Variants in PHF5A observed in about 807,000 individuals in gnomAD.
PHF5A encodes the protein PHD finger protein 5A, also known as PHD finger-like domain-containing protein 5A.
For missense variants in PHF5A, 24 were observed against 140.6 expected (o/e 0.17, Z 4.19); for synonymous variants, 52 against 46.0 (o/e 1.13, Z -0.52).
chr22:41,467,847 G>A (rs773741161), intron 2 of PHF5A, among the ~76,000 whole-genome samples: 10 of 152,194 alleles, frequency 6.6e-5, no homozygotes, highest in African/African-American at 2.2e-4. Flanking sequence ...AAAGCACCTC[G>A]GAGATGATAA....
rs1034715886 is a variant in PHF5A, at chr22:41,463,848, C to G, written c.244-3361G>C. On this transcript the variant is annotated intron_variant, in intron 3 of 3. Transcript: ENST00000216252. The stretch of plus-strand genomic sequence containing the variant: ...GGCGGAGATTGTAATGAGCCGAGAT[C>G]GTGCCATTGCACTCCAGTCTGAGTG... Among the ~76,000 whole-genome samples, 5 of 151,086 alleles carry G rather than the reference C, an allele frequency of 3.3e-5. No individual in the cohort carries two copies. The South Asian group carries it at 1.0e-3, about 31-fold the overall frequency.
At chr22:41,462,750 A>C (rs541247496) in intron 3 of PHF5A, among the ~76,000 whole-genome samples, 5 of 152,314 alleles carry the variant, frequency 3.3e-5, no homozygotes, top group South Asian at 2.1e-4. Context: ...CAAAAGAAGA[A>C]GACTGGATCA....
chr22:41,460,437 G>T lies in PHF5A; in HGVS notation c.294C>A (p.Leu98=). Residue 98 remains leucine, a synonymous_variant, in exon 4 of 4, where the codon CTC becomes CTA. Transcript: ENST00000216252. ...AGCCGTATTTTTTGCGTTCATAGAA[G>T]AGGTCTGTCTTAGAGCTCCCCAGAT... ...IVNLGSSKTD[L]FYERKKYGFK... The T allele has an allele frequency of 6.2e-7, 1 of 1,605,812 alleles. No homozygotes were observed.
At chr22:41,464,799 A>G (rs1485372290) in intron 3 of PHF5A, among the ~76,000 whole-genome samples, 1 of 152,242 alleles carries the variant, frequency 6.6e-6, no homozygotes, top group African/African-American at 2.4e-5. Flanking sequence ...CTGTTACCTT[A>G]TCATGCTTTC....
intron 3 of PHF5A, among the ~76,000 whole-genome samples, chr22:41,465,192 G>A (rs1359910788): frequency 6.6e-6 from 1 of 151,072 alleles, no homozygotes; most frequent in Admixed American, 6.6e-5. Flanking sequence ...TTTTTTTTGA[G>A]AAGGAATTTC....
At position 41,467,423 on chromosome 22, in the gene PHF5A, G is replaced by A. The variant is rs182267678; in HGVS notation, c.243+25C>T. ...GTGTTACTAAACAAAAGGAGGAAAG[G>A]TCAGATGGAAAGCTGTACACTTACG... On this transcript the variant is annotated intron_variant, in intron 3 of 3. Transcript: ENST00000216252. 312 of 1,610,722 alleles carry A rather than the reference G, an allele frequency of 1.9e-4. No individual in the cohort carries two copies. The African/African-American group carries it at 3.8e-3, about 19-fold the overall frequency.
intron 3 of PHF5A, among the ~76,000 whole-genome samples, chr22:41,464,843 C>T (rs1234401860): frequency 1.3e-5 from 2 of 152,172 alleles, no homozygotes; most frequent in Non-Finnish European, 2.9e-5. Flanking sequence ...TAACAAACAC[C>T]TACTATGTGC....
Position 41,468,205 on chromosome 22 carries a change from G to C in PHF5A, c.53-58C>G. On this transcript the variant is annotated intron_variant, in intron 1 of 3. Transcript: ENST00000216252. ...AGAATAAAGGTTTTGAGAAAGAGGAGAAGTACATCCTCGAGCTGGGGGTAG... is the reference window on the plus strand; with the variant it reads ...AGAATAAAGGTTTTGAGAAAGAGGACAAGTACATCCTCGAGCTGGGGGTAG... 5 of 1,584,300 alleles carry C rather than the reference G, an allele frequency of 3.2e-6. No individual in the cohort carries two copies. In the South Asian group the frequency reaches 3.3e-5, roughly 11 times the overall value.
Position 41,468,397 on chromosome 22 carries a change from C to A in PHF5A, c.52+205G>T. 2 of 630,432 alleles carry A rather than the reference C, an allele frequency of 3.2e-6. 1 individual carries two copies. Among genetic ancestry groups the A allele is most frequent in the Non-Finnish European group, 5.5e-6 (2 of 364,004 alleles). 39.1% of individuals were successfully genotyped at this position (630,432 alleles called of 1,614,324 possible). A position where few individuals can be genotyped will look rare whatever the true frequency, so the allele number is the denominator to read the frequency against. ...CTGGTTCAGACCCCACCCCCCGATACCTGCCTGGGGCTCCCAGCACGCGCA... is the reference window on the plus strand; with the variant it reads ...CTGGTTCAGACCCCACCCCCCGATAACTGCCTGGGGCTCCCAGCACGCGCA... On this transcript the variant is annotated intron_variant, in intron 1 of 3. Coordinates refer to ENST00000216252, the MANE Select transcript of PHF5A (RefSeq NM_032758.4).
chr22:41,464,404 T>G (rs1374822420), intron 3 of PHF5A, among the ~76,000 whole-genome samples: 1 of 152,254 alleles, frequency 6.6e-6, no homozygotes, highest in Non-Finnish European at 1.5e-5. Context: ...CCACTTAATC[T>G]ACATGATGAT....
rs570956260 is a variant in PHF5A, at chr22:41,468,200, G to A, written c.53-53C>T. The A allele has an allele frequency of 2.8e-4, 443 of 1,598,896 alleles. 1 individual carries two copies. The Middle Eastern group carries it at 7.0e-3, about 25-fold the overall frequency. ...CAATTAGAATAAAGGTTTTGAGAAAGAGGAGAAGTACATCCTCGAGCTGGG... is the reference window on the plus strand; with the variant it reads ...CAATTAGAATAAAGGTTTTGAGAAAAAGGAGAAGTACATCCTCGAGCTGGG... On this transcript the variant is annotated intron_variant, in intron 1 of 3. Coordinates refer to ENST00000216252, the MANE Select transcript of PHF5A (RefSeq NM_032758.4).
chr22:41,461,680 T>A (rs1253382480), intron 3 of PHF5A, among the ~76,000 whole-genome samples: 1 of 151,758 alleles, frequency 6.6e-6, no homozygotes. Flanking sequence ...TTATTTTTTT[T>A]TGAGACGGAG....
intron 2 of PHF5A, 33 bp downstream of exon 2, chr22:41,468,091 G>A (rs1242090823): frequency 6.2e-7 from 1 of 1,612,748 alleles, no homozygotes; most frequent in Non-Finnish European, 8.5e-7. Flanking sequence ...GGAGTGGGAA[G>A]GGTGGGTTGT....
intron 2 of PHF5A, 76 bp downstream of exon 2, chr22:41,468,048 T>G (rs61736535): frequency 3.8e-5 from 58 of 1,520,908 alleles, no homozygotes; most frequent in African/African-American, 5.5e-5. Flanking sequence ...AAAGCCCTCT[T>G]TGTGGCACTT....
chr22:41,465,861 C>G (rs189847619), intron 3 of PHF5A, among the ~76,000 whole-genome samples: 121 of 152,112 alleles, frequency 8.0e-4, no homozygotes, highest in Non-Finnish European at 1.5e-3. Flanking sequence ...GCCTGGACAA[C>G]AAGAGTGAAA....
chr22:41,468,117 C>T lies in PHF5A; in HGVS notation c.76+7G>A. The T allele has an allele frequency of 1.2e-6, 2 of 1,613,780 alleles. No individual in the cohort carries two copies. Among genetic ancestry groups the T allele is most frequent in the Non-Finnish European group, 1.7e-6 (2 of 1,179,808 alleles). ...GGTGGGTTGTTGGGACGGTGTGTTC[C>T]ACTCACATTTTTCACACAGTCTTCC... is the stretch of plus-strand genomic sequence containing the variant. On this transcript the variant is annotated splice_region_variant and intron_variant, in intron 2 of 3. Transcript: ENST00000216252.
chr22:41,468,471 C>A, intron 1 of PHF5A, 131 bp downstream of exon 1: 1 of 1,092,526 alleles, frequency 9.2e-7, no homozygotes, highest in Non-Finnish European at 1.4e-6. Flanking sequence ...GCTCCTACAA[C>A]ACCCCGCGCC....
intron 1 of PHF5A, chr22:41,468,386 A>AC (rs1375665229): frequency 1.1e-4 from 45 of 422,070 alleles, no homozygotes; most frequent in Non-Finnish European, 1.7e-4. Context: ...TTCAGACCCC[A>AC]CCCCCCGATA....
intron 3 of PHF5A, among the ~76,000 whole-genome samples, chr22:41,461,271 A>G (rs1179662750): frequency 6.6e-6 from 1 of 152,198 alleles, no homozygotes; most frequent in Non-Finnish European, 1.5e-5. Flanking sequence ...ATAATTTACT[A>G]AACACCTAAG....
Sources: gnomAD v4.1 joint callset for allele counts (sites outside exome capture counted in the v4.1 genomes callset) on GRCh38, gnomAD v4.1.1 for gene constraint, MANE v1.5 for transcripts, NCBI Gene and HGNC (gene_info 2026-07-23, HGNC 2026-07-21) for gene names.